The following RARB variants were observed in gnomAD, a reference collection of about 807,000 sequenced individuals.
RARB encodes retinoic acid receptor beta.
RARB carries 17 observed loss-of-function variants against 51.9 expected under a neutral mutation model. That is an observed-to-expected ratio of 0.33 (90% CI 0.22 to 0.49). The LOEUF is 0.49. RARB is among the 20% of genes least tolerant of loss of function. The pLI, the probability that RARB is intolerant of heterozygous loss-of-function variation, is 0.99. For missense variants in RARB, 369 were observed against 550.8 expected (o/e 0.67, Z 3.30); for synonymous variants, 215 against 195.4 (o/e 1.10, Z -0.84).
intron 5 of RARB, among the ~76,000 whole-genome samples, chr3:25,300,678 G>T (rs1704018519): frequency 1.3e-5 from 2 of 152,092 alleles, no homozygotes; most frequent in Admixed American, 6.5e-5. Flanking sequence ...AGTCACTTTT[G>T]GCTGCTGCTG....
intron 3 of RARB, among the ~76,000 whole-genome samples, chr3:25,088,263 C>T (rs948597519): frequency 6.6e-6 from 1 of 152,066 alleles, no homozygotes; most frequent in Admixed American, 6.6e-5. Context: ...CGACTTGATA[C>T]ACCATGTCTA....
chr3:25,344,514 C>A (rs563679061), intron 5 of RARB, among the ~76,000 whole-genome samples: 2 of 152,146 alleles, frequency 1.3e-5, no homozygotes, highest in Admixed American at 6.5e-5. Flanking sequence ...AATGGGCCTA[C>A]AATTCATGTT....
At chr3:25,134,823 C>T (rs1029530489) in intron 4 of RARB, among the ~76,000 whole-genome samples, 3 of 106,932 alleles carry the variant, frequency 2.8e-5, no homozygotes, top group African/African-American at 6.2e-5. Flanking sequence ...TGACCTTAAC[C>T]GTCACTGCCT....
intron 2 of RARB, among the ~76,000 whole-genome samples, chr3:24,918,749 G>C: frequency 6.6e-6 from 1 of 152,134 alleles, no homozygotes; most frequent in Non-Finnish European, 1.5e-5. Context: ...AAATTAGCTG[G>C]TCGTGGTGGC....
At chr3:24,998,270 G>T (rs1327696839) in intron 2 of RARB, among the ~76,000 whole-genome samples, 1 of 136,246 alleles carries the variant, frequency 7.3e-6, no homozygotes, top group East Asian at 2.3e-4. Context: ...CTTTTGACTT[G>T]TAGTTTGTTT....
intron 1 of RARB, among the ~76,000 whole-genome samples, chr3:25,430,159 G>C (rs1287305860): frequency 6.6e-6 from 1 of 152,194 alleles, no homozygotes; most frequent in East Asian, 1.9e-4. Flanking sequence ...CTGGCTGTCT[G>C]ACTTAACATT....
intron 2 of RARB, among the ~76,000 whole-genome samples, chr3:25,052,605 G>A (rs528242888): frequency 7.9e-5 from 12 of 152,238 alleles, no homozygotes; most frequent in African/African-American, 2.9e-4. Flanking sequence ...CGGACTAAAT[G>A]GAGAACCACA....
chr3:24,990,056 C>T lies in RARB; in HGVS notation c.-379-70069C>T, dbSNP rs1241823530. Among the ~76,000 whole-genome samples the T allele has an allele frequency of 2.3e-4, 24 of 104,648 alleles. 6 individuals are homozygous for T. Among genetic ancestry groups the T allele is most frequent in the African/African-American group, 7.1e-4 (19 of 26,854 alleles). 68.7% of individuals were successfully genotyped at this position (104,648 alleles called of 152,430 possible). ...CCTCATGATCCACCCGCCTCGGCCT[C>T]CCAAAGTCCTGGGATTACAGGCGTG... On this transcript the variant is annotated intron_variant, in intron 2 of 11. Coordinates refer to the RARB transcript ENST00000383772.
chr3:25,013,764 G>A (rs80253447), intron 2 of RARB, among the ~76,000 whole-genome samples: 6 of 152,154 alleles, frequency 3.9e-5, no homozygotes, highest in East Asian at 1.9e-4. Flanking sequence ...CTCCCACACC[G>A]GGCTTCAAGG....
intron 3 of RARB, among the ~76,000 whole-genome samples, chr3:25,068,553 A>G (rs1304608568): frequency 6.6e-6 from 1 of 152,224 alleles, no homozygotes; most frequent in Non-Finnish European, 1.5e-5. Flanking sequence ...GGTTAATGAC[A>G]TCAAGAAAAA....
intron 3 of RARB, among the ~76,000 whole-genome samples, chr3:25,544,778 T>G (rs1364066809): frequency 6.6e-6 from 1 of 152,212 alleles, no homozygotes; most frequent in East Asian, 1.9e-4. Flanking sequence ...TCTTTTTGCC[T>G]TCCCTCTTTC....
At chr3:25,062,431 A>G (rs1698568690) in intron 3 of RARB, among the ~76,000 whole-genome samples, 1 of 151,860 alleles carries the variant, frequency 6.6e-6, no homozygotes, top group South Asian at 2.1e-4. Flanking sequence ...ATCTATTAAA[A>G]CTTTAATTAT....
intron 5 of RARB, among the ~76,000 whole-genome samples, chr3:25,265,882 A>T (rs550662309): frequency 5.3e-5 from 8 of 152,260 alleles, no homozygotes; most frequent in African/African-American, 1.4e-4. Context: ...CTAGGGGAGA[A>T]TTCATTCCCT....
At chr3:25,313,790 C>T (rs1704348716) in intron 5 of RARB, among the ~76,000 whole-genome samples, 1 of 152,066 alleles carries the variant, frequency 6.6e-6, no homozygotes, top group Admixed American at 6.6e-5. Flanking sequence ...AAATAACAGT[C>T]CAGGCGTGGT....
intron 2 of RARB, among the ~76,000 whole-genome samples, chr3:24,861,877 G>T (rs887573952): frequency 2.0e-5 from 3 of 152,174 alleles, no homozygotes; most frequent in Non-Finnish European, 2.9e-5. Flanking sequence ...GGGACCACCA[G>T]GGCTCCCTGG....
At chr3:24,996,176 T>A (rs972492840) in intron 2 of RARB, among the ~76,000 whole-genome samples, 2 of 152,116 alleles carry the variant, frequency 1.3e-5, no homozygotes, top group Non-Finnish European at 2.9e-5. Context: ...TCTTTGTGGT[T>A]CAATCTTGGT....
At position 25,448,709 on chromosome 3, in the gene RARB, C is replaced by T. The variant is rs552887268; in HGVS notation, c.158-12484C>T. Among the ~76,000 whole-genome samples the T allele has an allele frequency of 1.2e-3, 188 of 152,266 alleles. 1 individual carries two copies. Among genetic ancestry groups the T allele is most frequent in the African/African-American group, 4.3e-3 (180 of 41,544 alleles). On this transcript the variant is annotated intron_variant, in intron 1 of 7. Transcript: ENST00000330688. ...CTCAAACTCCCAGTCTCAGGTGATC[C>T]GCCTGTCTTGGCCTCCCAAACTGCT... is the stretch of plus-strand genomic sequence containing the variant.
intron 3 of RARB, among the ~76,000 whole-genome samples, chr3:25,549,650 G>A (rs1304964449): frequency 6.6e-6 from 1 of 152,064 alleles, no homozygotes; most frequent in Non-Finnish European, 1.5e-5. Context: ...CATTTTAAGA[G>A]GGAAGTTACC....
Position 24,912,975 on chromosome 3 carries a change from C to CTTTTTTTTTTTTTTTTTTTT in RARB, c.-380+54226_-380+54245dup, listed in dbSNP as rs386396163. 1.3e-3 allele frequency among the ~76,000 whole-genome samples: 101 copies of CTTTTTTTTTTTTTTTTTTTT among 75,046 alleles called. 20 individuals are homozygous for CTTTTTTTTTTTTTTTTTTTT. The highest frequency in any genetic ancestry group is 1.7e-3 in the Non-Finnish European group (68 of 38,984). 49.2% of individuals were successfully genotyped at this position (75,046 alleles called of 152,430 possible). On this transcript the variant is annotated intron_variant, in intron 2 of 11. Transcript: ENST00000383772. ...GCAATACGCACACAAGGTACTGATT[C>CTTTTTTTTTTTTTTTTTTTT]TTTTTTTTTTTTTTTTTTTTTTGGA... is the stretch of plus-strand genomic sequence containing the variant.
Sources: allele counts gnomAD v4.1 joint callset (sites outside exome capture counted in the v4.1 genomes callset), GRCh38; gene constraint gnomAD v4.1.1; transcripts MANE v1.5; gene names NCBI Gene and HGNC (gene_info 2026-07-23, HGNC 2026-07-21).